The following IKBIP variants were observed in gnomAD, a reference collection of about 807,000 sequenced individuals.
IKBIP encodes the protein inhibitor of nuclear factor kappa-B kinase-interacting protein.
Under a neutral mutation model 31.0 loss-of-function variants are expected in IKBIP, and 28 were observed. That is an observed-to-expected ratio of 0.90 (90% CI 0.67 to 1.24). The LOEUF (loss-of-function observed/expected upper bound fraction) is 1.24, where lower values mean the gene tolerates loss of function less well. Among genes scored for constraint, IKBIP ranks in the 50% most tolerant of loss-of-function variants. The pLI, the probability that IKBIP is intolerant of heterozygous loss-of-function variation, is 0.00. For synonymous variants in IKBIP, 164 were observed against 160.3 expected (o/e 1.02, Z -0.17); for missense variants, 453 against 441.9 (o/e 1.03, Z -0.23).
At chr12:98,614,787 C>T (rs908938508) in intron 2 of IKBIP, among the ~76,000 whole-genome samples, 15 of 152,160 alleles carry the variant, frequency 9.9e-5, no homozygotes, top group Middle Eastern at 3.4e-3. Flanking sequence ...TGGTAAAAGA[C>T]GACTTCAGAA....
rs561667355 is a variant in IKBIP at position 98,616,834 on chromosome 12, C to T, written c.298-2494G>A. On this transcript the variant is annotated intron_variant, in intron 2 of 2. Coordinates refer to the IKBIP transcript ENST00000342502. ...TTTCTGGGCTCTCTGTTCCATTAGT[C>T]TATGTTTTTTTTTTAAATGCTAGTA... is the stretch of plus-strand genomic sequence containing the variant. Among the ~76,000 whole-genome samples the T allele has an allele frequency of 1.4e-4, 21 of 151,892 alleles. No individual in the cohort carries two copies. In the East Asian group the frequency reaches 4.1e-3, roughly 29 times the overall value.
In IKBIP at chr12:98,628,408, C is replaced by A. The variant is rs938103223; in HGVS notation, c.298-1642G>T. ...CTATCATGGTACACTGTTACAAAAC[C>A]TTTGATGTTTCCTAATACTTCTAGG... On this transcript the variant is annotated intron_variant, in intron 2 of 2. Transcript: ENST00000299157. Among the ~76,000 whole-genome samples the A allele has an allele frequency of 2.6e-5, 4 of 152,194 alleles. No homozygotes were observed. In the East Asian group the frequency reaches 5.8e-4, roughly 22 times the overall value.
At chr12:98,635,081 C>T (rs1005474621) in intron 1 of IKBIP, among the ~76,000 whole-genome samples, 2 of 151,048 alleles carry the variant, frequency 1.3e-5, no homozygotes, top group African/African-American at 4.9e-5. Context: ...TCTCGGTTCA[C>T]TGCAACCTTT....
At chr12:98,642,029 G>A (rs2097630969) in intron 1 of IKBIP, among the ~76,000 whole-genome samples, 1 of 152,116 alleles carries the variant, frequency 6.6e-6, no homozygotes, top group Non-Finnish European at 1.5e-5. Context: ...CCTAATGAAT[G>A]TAATACATTC....
chr12:98,625,052 C>G lies in IKBIP; in HGVS notation c.*878G>C, dbSNP rs1433259101. 1 of 743,744 alleles carries G rather than the reference C, an allele frequency of 1.3e-6. No individual in the cohort carries two copies. Among genetic ancestry groups the G allele is most frequent in the Non-Finnish European group, 1.6e-6 (1 of 609,716 alleles). 46.1% of individuals were successfully genotyped at this position (743,744 alleles called of 1,614,324 possible). On this transcript the variant is annotated 3_prime_UTR_variant, in exon 3 of 3. Transcript: ENST00000299157. Reference sequence around the variant, plus strand: ...ATCTCCTGACTTCGTGATCTGCCCACCTCGGCCTCCCAAAGTGCTAGGATT... The same window carrying G: ...ATCTCCTGACTTCGTGATCTGCCCAGCTCGGCCTCCCAAAGTGCTAGGATT...
chr12:98,641,539 A>G (rs2097630435), intron 1 of IKBIP, among the ~76,000 whole-genome samples: 1 of 152,256 alleles, frequency 6.6e-6, no homozygotes, highest in African/African-American at 2.4e-5. Flanking sequence ...AATATTTTGC[A>G]ATAAACAGCA....
chr12:98,625,765 G>T lies in IKBIP; in HGVS notation c.*165C>A. 1 of 449,142 alleles carries T rather than the reference G, an allele frequency of 2.2e-6. No individual in the cohort carries two copies. 27.8% of individuals were successfully genotyped at this position (449,142 alleles called of 1,614,324 possible). On this transcript the variant is annotated 3_prime_UTR_variant, in exon 3 of 3. Coordinates refer to ENST00000299157, the MANE Select transcript of IKBIP (RefSeq NM_153687.4). ...TAGTTACAATGAAGTAAGTTTTAGT[G>T]CTTAAAAAGATAAGCTTTGATTATG...
At chr12:98,621,804 G>A (rs960719289), downstream of IKBIP, among the ~76,000 whole-genome samples, 1 of 152,134 alleles carries the variant, frequency 6.6e-6, no homozygotes, top group Non-Finnish European at 1.5e-5. Flanking sequence ...AAGGCTGGAC[G>A]CGGTGGCTCA....
intron 2 of IKBIP, among the ~76,000 whole-genome samples, chr12:98,616,523 C>T (rs1380222658): frequency 6.6e-6 from 1 of 152,060 alleles, no homozygotes; most frequent in Non-Finnish European, 1.5e-5. Context: ...GCTTTTGTTG[C>T]TTGTTCTTTT....
At position 98,624,552 on chromosome 12, in the gene IKBIP, T is replaced by A. The variant is rs2097612523; in HGVS notation, c.*1378A>T. On this transcript the variant is annotated 3_prime_UTR_variant, in exon 3 of 3. Transcript: ENST00000299157. ...TAACTGACTGCTTTCAAGTTCTTTGTGTTTAATTCCATCAAAAACTGCATT... is the reference window on the plus strand; with the variant it reads ...TAACTGACTGCTTTCAAGTTCTTTGAGTTTAATTCCATCAAAAACTGCATT... 4 of 982,180 alleles carry A rather than the reference T, an allele frequency of 4.1e-6. No individual in the cohort carries two copies. The highest frequency in any genetic ancestry group is 4.8e-6 in the Non-Finnish European group (4 of 827,084). 60.8% of individuals were successfully genotyped at this position (982,180 alleles called of 1,614,324 possible).
chr12:98,613,459 C>T, exon 3 of IKBIP: 4 of 537,154 alleles, frequency 7.4e-6, no homozygotes, highest in Non-Finnish European at 1.2e-5. Context: ...TTTATTTTTA[C>T]TGTACAAAAT....
At chr12:98,639,110 G>A (rs1406648191) in intron 1 of IKBIP, among the ~76,000 whole-genome samples, 2 of 151,082 alleles carry the variant, frequency 1.3e-5, no homozygotes, top group Non-Finnish European at 3.0e-5. Context: ...GTGTGATCTC[G>A]GCTCACTGCA....
intron 1 of IKBIP, among the ~76,000 whole-genome samples, chr12:98,643,042 T>TC (rs764477872): frequency 2.9e-4 from 44 of 151,960 alleles, no homozygotes; most frequent in Non-Finnish European, 5.0e-4. Flanking sequence ...AACCTCCACC[T>TC]CCCCATTTCG....
In IKBIP at chr12:98,625,068, T is replaced by C; in HGVS notation, c.*862A>G. ...ATCTGCCCACCTCGGCCTCCCAAAG[T>C]GCTAGGATTACAGGTGTGAGCCACT... On this transcript the variant is annotated 3_prime_UTR_variant, in exon 3 of 3. Transcript: ENST00000299157. The C allele has an allele frequency of 1.1e-6, 1 of 899,552 alleles. No individual in the cohort carries two copies. 55.7% of individuals were successfully genotyped at this position (899,552 alleles called of 1,614,324 possible).
downstream of IKBIP, among the ~76,000 whole-genome samples, chr12:98,623,417 T>G (rs1313842804): frequency 6.8e-6 from 1 of 147,694 alleles, no homozygotes; most frequent in Non-Finnish European, 1.5e-5. Flanking sequence ...CGCTTTTTTT[T>G]GACTTTTAGT....
chr12:98,622,720 G>A (rs1313049042), downstream of IKBIP, among the ~76,000 whole-genome samples: 1 of 151,330 alleles, frequency 6.6e-6, no homozygotes, highest in African/African-American at 2.4e-5. Context: ...TTCATACAAA[G>A]GTCTACAATT....
At chr12:98,644,060 A>G (rs1025756037) in intron 1 of IKBIP, among the ~76,000 whole-genome samples, 1 of 152,042 alleles carries the variant, frequency 6.6e-6, no homozygotes, top group African/African-American at 2.4e-5. Flanking sequence ...CAAGTGATCC[A>G]CCTGCCTCGG....
chr12:98,625,290 G>A lies in IKBIP; in HGVS notation c.*640C>T, dbSNP rs955071502. The A allele has an allele frequency of 4.1e-6, 4 of 983,542 alleles. No homozygotes were observed. Among genetic ancestry groups the A allele is most frequent in the Non-Finnish European group, 4.8e-6 (4 of 828,226 alleles). The allele number at this position is 983,542 out of a possible 1,614,324, so 60.9% of individuals were successfully genotyped here. A position where few individuals can be genotyped will look rare whatever the true frequency, so the allele number is the denominator to read the frequency against. On this transcript the variant is annotated 3_prime_UTR_variant, in exon 3 of 3. Transcript: ENST00000299157. The stretch of plus-strand genomic sequence containing the variant: ...TTACAAGTATCTGTAACACAGTTTA[G>A]AACCTTAACAAAAACTAAAATGTTT...
intron 2 of IKBIP, 43 bp downstream of exon 2, chr12:98,634,253 G>T: frequency 2.1e-6 from 2 of 950,030 alleles, no homozygotes; most frequent in Non-Finnish European, 3.4e-6. Context: ...TAGTGGGGTA[G>T]TAAAATGGGA....
Sources: gnomAD v4.1 joint callset for allele counts (sites outside exome capture counted in the v4.1 genomes callset) on GRCh38, gnomAD v4.1.1 for gene constraint, MANE v1.5 for transcripts, NCBI Gene and HGNC (gene_info 2026-07-23, HGNC 2026-07-21) for gene names.